Variants in PTPRQ observed in about 807,000 individuals in gnomAD.
PTPRQ encodes protein tyrosine phosphatase receptor type Q.
PTPRQ carries 199 observed loss-of-function variants against 246.0 expected under a neutral mutation model. The observed-to-expected ratio is 0.81, with a 90% CI of 0.72 to 0.91. The LOEUF (loss-of-function observed/expected upper bound fraction) is 0.91. Among genes scored for constraint, PTPRQ ranks in the 40% least tolerant of loss-of-function variants. The pLI is 0.00. For missense variants in PTPRQ, 2,624 were observed against 2,528.4 expected (o/e 1.04, Z -0.81); for synonymous variants, 869 against 853.2 (o/e 1.02, Z -0.32).
At chr12:80,644,219 G>C (rs2121207334) in intron 35 of PTPRQ, among the ~76,000 whole-genome samples, 1 of 152,230 alleles carries the variant, frequency 6.6e-6, no homozygotes, top group Admixed American at 6.5e-5. Context: ...GTTTTTGATA[G>C]GCTTTAAAGA....
chr12:80,606,960 T>C (rs1898347158), intron 27 of PTPRQ, among the ~76,000 whole-genome samples: 1 of 150,934 alleles, frequency 6.6e-6, no homozygotes, highest in South Asian at 2.1e-4. Context: ...AAATTCTGCT[T>C]AAAGGAACAA....
Position 80,542,145 on chromosome 12 carries a change from C to G in PTPRQ, c.3502C>G (p.Leu1168Val). 1 of 1,550,944 alleles carries G rather than the reference C, an allele frequency of 6.4e-7. No individual in the cohort carries two copies. Among genetic ancestry groups the G allele is most frequent in the Non-Finnish European group, 8.7e-7 (1 of 1,146,654 alleles). ...TAAAAACCTTTCCTCTACCTCAGTT[C>G]TCTTATCATGGGATCCCCCAGTAAA... Reference protein sequence around the residue: ...TFKNLSSTSVLLSWDPPVKPN... With the variant: ...TFKNLSSTSVVLSWDPPVKPN... The change falls in exon 22 of 45, where the codon CTC (leucine) becomes GTC (valine). Residue 1168 changes from leucine to valine, a missense_variant. Physicochemically the swap from Leu to Val is conservative, Grantham distance 32 (BLOSUM62 1). Coordinates refer to ENST00000644991, the MANE Select transcript of PTPRQ (RefSeq NM_001145026.2).
chr12:80,614,585 C>G (rs896627149), intron 29 of PTPRQ, among the ~76,000 whole-genome samples: 1 of 150,830 alleles, frequency 6.6e-6, no homozygotes, highest in Non-Finnish European at 1.5e-5. Flanking sequence ...TACTACTTCT[C>G]TCAGTCACTT....
At chr12:80,554,081 G>A (rs758605266) in intron 25 of PTPRQ, among the ~76,000 whole-genome samples, 2 of 151,944 alleles carry the variant, frequency 1.3e-5, no homozygotes, top group Non-Finnish European at 2.9e-5. Context: ...GAGGGGCAGG[G>A]GGGGTAGGAA....
intron 17 of PTPRQ, among the ~76,000 whole-genome samples, chr12:80,530,973 T>C (rs1481668164): frequency 2.6e-5 from 4 of 152,054 alleles, no homozygotes; most frequent in African/African-American, 9.7e-5. Flanking sequence ...GTAGGTTACC[T>C]TGAGCCCAGG....
chr12:80,476,047 GT>G lies in PTPRQ; in HGVS notation c.1186+3808del, dbSNP rs796103071. Among the ~76,000 whole-genome samples, 998 of 137,216 alleles carry G rather than the reference GT, an allele frequency of 7.3e-3. 14 individuals carry two copies. Among genetic ancestry groups the G allele is most frequent in the African/African-American group, 0.022 (836 of 37,964 alleles). The allele number at this position is 137,216 out of a possible 152,430, so 90.0% of individuals were successfully genotyped here. On this transcript the variant is annotated intron_variant, in intron 8 of 44. Coordinates refer to ENST00000644991, the MANE Select transcript of PTPRQ (RefSeq NM_001145026.2). ...AATATGATCAATGTAGTCATTAGCT[GT>G]TTTTTTTTTTTCAGTTGAGATTCTA...
At chr12:80,551,744 C>G (rs2120878851) in intron 25 of PTPRQ, among the ~76,000 whole-genome samples, 1 of 152,048 alleles carries the variant, frequency 6.6e-6, no homozygotes, top group South Asian at 2.1e-4. Context: ...TTCTTATATC[C>G]TTTTATTGTA....
intron 41 of PTPRQ, 138 bp downstream of exon 41, chr12:80,669,602 A>G: frequency 1.6e-6 from 2 of 1,281,614 alleles, no homozygotes; most frequent in South Asian, 1.7e-5. Flanking sequence ...TGTCTTCTGA[A>G]CAGAATTTTG....
intron 33 of PTPRQ, among the ~76,000 whole-genome samples, chr12:80,627,510 A>G (rs11114533): frequency 0.33 from 50,058 of 151,606 alleles, 8,611 homozygotes; most frequent in African/African-American, 0.41. Context: ...TATGAGCTTT[A>G]TATCTAATTG....
chr12:80,536,859 A>G (rs564272637), intron 19 of PTPRQ, among the ~76,000 whole-genome samples: 6 of 152,230 alleles, frequency 3.9e-5, no homozygotes, highest in Non-Finnish European at 7.3e-5. Flanking sequence ...AACATTGCAC[A>G]ATTGTTCCAG....
intron 6 of PTPRQ, among the ~76,000 whole-genome samples, chr12:80,464,157 T>C (rs1893314246): frequency 6.7e-6 from 1 of 149,840 alleles, no homozygotes; most frequent in Non-Finnish European, 1.5e-5. Flanking sequence ...AGGCTCAAAA[T>C]AAAAGGATGG....
chr12:80,520,129 C>A (rs1357090806), intron 17 of PTPRQ, among the ~76,000 whole-genome samples: 1 of 152,010 alleles, frequency 6.6e-6, no homozygotes, highest in Non-Finnish European at 1.5e-5. Context: ...GTTCTCTCAG[C>A]CTCGTGGTCT....
intron 2 of PTPRQ, 61 bp downstream of exon 2, chr12:80,444,910 G>A: frequency 1.4e-6 from 2 of 1,423,110 alleles, no homozygotes; most frequent in South Asian, 1.3e-5. Flanking sequence ...TAATTCTACT[G>A]GATGGAAATA....
intron 3 of PTPRQ, among the ~76,000 whole-genome samples, chr12:80,457,215 C>T (rs1000347211): frequency 9.9e-5 from 15 of 151,968 alleles, no homozygotes; most frequent in Admixed American, 7.2e-4. Context: ...TACATGGTCT[C>T]TTGCATTTGT....
chr12:80,652,344 C>G (rs187924371), intron 37 of PTPRQ, among the ~76,000 whole-genome samples: 27 of 152,198 alleles, frequency 1.8e-4, no homozygotes, highest in Non-Finnish European at 2.9e-4. Flanking sequence ...GGCATGAAAT[C>G]ACACTGCCTG....
At chr12:80,548,990 C>T (rs541756746) in intron 24 of PTPRQ, among the ~76,000 whole-genome samples, 1 of 152,210 alleles carries the variant, frequency 6.6e-6, no homozygotes, top group African/African-American at 2.4e-5. Flanking sequence ...AGAAGCCATC[C>T]CGGTAAAAAC....
chr12:80,479,405 C>T (rs971600043), intron 8 of PTPRQ, among the ~76,000 whole-genome samples: 55 of 145,206 alleles, frequency 3.8e-4, no homozygotes, highest in South Asian at 6.7e-4. Flanking sequence ...ACAACTGGTA[C>T]CAGCCACTGC....
intron 35 of PTPRQ, among the ~76,000 whole-genome samples, chr12:80,642,050 G>A (rs2121199592): frequency 6.6e-6 from 1 of 151,344 alleles, no homozygotes; most frequent in Middle Eastern, 3.4e-3. Flanking sequence ...TAGAATCAGT[G>A]ACTAGTACCC....
chr12:80,473,022 T>TACACAC lies in PTPRQ; in HGVS notation c.1186+780_1186+785dup, dbSNP rs371484292. 5.9e-3 allele frequency among the ~76,000 whole-genome samples: 757 copies of TACACAC among 129,190 alleles called. 5 individuals are homozygous for TACACAC. The highest frequency in any genetic ancestry group is 0.02 in the African/African-American group (722 of 35,686). The allele number at this position is 129,190 out of a possible 152,430, so 84.8% of individuals were successfully genotyped here. On this transcript the variant is annotated intron_variant, in intron 8 of 44. Coordinates refer to ENST00000644991, the MANE Select transcript of PTPRQ (RefSeq NM_001145026.2). ...CTTATAAATGAAATGTAGACATGTA[T>TACACAC]ACACACACACACACTCACACACACG...
Sources: gnomAD v4.1 joint callset for allele counts (sites outside exome capture counted in the v4.1 genomes callset) on GRCh38, gnomAD v4.1.1 for gene constraint, MANE v1.5 for transcripts, NCBI Gene and HGNC (gene_info 2026-07-23, HGNC 2026-07-21) for gene names.